Variants in TRPC4 observed in about 807,000 individuals in gnomAD.
The protein encoded by TRPC4 is transient receptor potential cation channel subfamily C member 4, also known as short transient receptor potential channel 4.
TRPC4 carries 49 observed loss-of-function variants against 99.4 expected under a neutral mutation model. The ratio of observed to expected loss-of-function variants is 0.49; its 90% confidence interval spans 0.39 to 0.63. TRPC4 has a LOEUF of 0.63. TRPC4 is among the 20% of genes least tolerant of loss of function. The pLI is 0.00. For synonymous variants in TRPC4, 454 were observed against 425.9 expected (o/e 1.07, Z -0.81); for missense variants, 898 against 1,152.9 (o/e 0.78, Z 3.20).
Position 37,663,611 on chromosome 13 carries a change from G to T in TRPC4, c.1493C>A (p.Ala498Glu). The change falls in exon 6 of 11, where the codon GCA (alanine) becomes GAA (glutamate). Residue 498 changes from alanine to glutamate, a missense_variant. Physicochemically the swap from Ala to Glu is moderately radical, Grantham distance 107. Transcript: ENST00000379705. ...SSLRLISLFTANSHLGPLQIS... is the reference protein window; with the variant it reads ...SSLRLISLFTENSHLGPLQIS... ...TTGCAGAGGTCCCAGGTGAGAATTT[G>T]CAGTAAACAGTGAGATCAGACGCAG... The T allele has an allele frequency of 1.2e-6, 2 of 1,614,176 alleles. No individual in the cohort carries two copies. Among genetic ancestry groups the T allele is most frequent in the Non-Finnish European group, 1.7e-6 (2 of 1,180,022 alleles).
At chr13:37,717,715 C>G (rs530120928) in intron 3 of TRPC4, among the ~76,000 whole-genome samples, 2 of 152,114 alleles carry the variant, frequency 1.3e-5, no homozygotes, top group Admixed American at 1.3e-4. Flanking sequence ...ATGTGTTGCT[C>G]TCAGTCTTCT....
intron 5 of TRPC4, among the ~76,000 whole-genome samples, chr13:37,664,994 A>G (rs989709153): frequency 1.3e-5 from 2 of 152,312 alleles, no homozygotes; most frequent in South Asian, 2.1e-4. Context: ...ATCTTGATAA[A>G]TGTTCTTGAA....
At chr13:37,849,942 T>C (rs1444902742) in intron 1 of TRPC4, among the ~76,000 whole-genome samples, 1 of 152,228 alleles carries the variant, frequency 6.6e-6, no homozygotes, top group Non-Finnish European at 1.5e-5. Flanking sequence ...ATTTGGATTA[T>C]ATGAAAACTA....
intron 1 of TRPC4, among the ~76,000 whole-genome samples, chr13:37,817,372 A>G (rs1290590705): frequency 1.3e-5 from 2 of 152,100 alleles, no homozygotes; most frequent in Admixed American, 6.6e-5. Context: ...AAGGAATCAC[A>G]GATGACACAA....
chr13:37,724,703 T>G (rs1954984947), intron 3 of TRPC4, among the ~76,000 whole-genome samples: 1 of 152,214 alleles, frequency 6.6e-6, no homozygotes, highest in Non-Finnish European at 1.5e-5. Flanking sequence ...TTGGTCTATT[T>G]GTTCCAAAAG....
Position 37,655,264 on chromosome 13 carries a change from A to C in TRPC4, c.1708T>G (p.Ser570Ala). 3.2e-6 allele frequency: 5 copies of C among 1,580,344 alleles called. No individual in the cohort carries two copies. Among genetic ancestry groups the C allele is most frequent in the Non-Finnish European group, 4.3e-6 (5 of 1,162,334 alleles). Residue 570 changes from serine (S) to alanine (A), a missense_variant, in exon 7 of 11, where the codon TCC (serine) becomes GCC (alanine). Physicochemically the swap from Ser to Ala is moderately conservative, Grantham distance 99. This residue lies in a region of TRPC4 where 274 missense variants were observed against 454.9 expected (regional missense o/e 0.60). Coordinates refer to ENST00000379705, the MANE Select transcript of TRPC4 (RefSeq NM_016179.4). ...AFSTLFETLQ[S>A]LFWSIFGLIN... Reference sequence around the variant, plus strand: ...AGCCCAAATATTGACCAAAACAGGGACTGCAGTGTCTCAAATAACCTGTAA... The same window carrying C: ...AGCCCAAATATTGACCAAAACAGGGCCTGCAGTGTCTCAAATAACCTGTAA...
At chr13:37,713,200 G>A (rs923239706) in intron 3 of TRPC4, among the ~76,000 whole-genome samples, 1 of 152,174 alleles carries the variant, frequency 6.6e-6, no homozygotes, top group African/African-American at 2.4e-5. Flanking sequence ...CTGGGTGAGG[G>A]AGAAGAGTTT....
intron 1 of TRPC4, among the ~76,000 whole-genome samples, chr13:37,814,809 T>A (rs1203046912): frequency 1.3e-5 from 2 of 151,790 alleles, no homozygotes; most frequent in Non-Finnish European, 3.0e-5. Context: ...AACTTACTTT[T>A]TAAAAGAAAT....
intron 1 of TRPC4, among the ~76,000 whole-genome samples, chr13:37,830,378 T>A (rs1452318751): frequency 8.5e-5 from 13 of 152,070 alleles, no homozygotes; most frequent in African/African-American, 3.1e-4. Flanking sequence ...AACATGTTGT[T>A]ATTATTTATT....
chr13:37,768,132 A>T (rs1184698779), intron 2 of TRPC4, among the ~76,000 whole-genome samples: 3 of 151,548 alleles, frequency 2.0e-5, no homozygotes, highest in African/African-American at 7.3e-5. Context: ...TAATAATGTG[A>T]ACTACCAATA....
chr13:37,787,506 G>T (rs2139370955), intron 1 of TRPC4, among the ~76,000 whole-genome samples: 1 of 152,054 alleles, frequency 6.6e-6, no homozygotes, highest in Non-Finnish European at 1.5e-5. Flanking sequence ...CTATCACTCT[G>T]AATTCCAGAT....
chr13:37,773,798 G>A (rs1168940963), intron 2 of TRPC4, among the ~76,000 whole-genome samples: 1 of 151,666 alleles, frequency 6.6e-6, no homozygotes, highest in Non-Finnish European at 1.5e-5. Flanking sequence ...GGTGACTAGG[G>A]TAAAATATTG....
chr13:37,798,933 CT>C (rs5802904), intron 1 of TRPC4, among the ~76,000 whole-genome samples: 117,247 of 126,880 alleles, frequency 0.92, 54,077 homozygotes, highest in Admixed American at 0.95. Context: ...GGGAGGTAAT[CT>C]TTTTTTTTTT....
intron 1 of TRPC4, among the ~76,000 whole-genome samples, chr13:37,839,784 C>T (rs899042312): frequency 2.6e-5 from 4 of 152,064 alleles, no homozygotes; most frequent in African/African-American, 9.7e-5. Flanking sequence ...ATCAACTCCC[C>T]TAGAAAAATT....
intron 2 of TRPC4, among the ~76,000 whole-genome samples, chr13:37,756,315 C>A (rs1445768715): frequency 6.6e-6 from 1 of 152,064 alleles, no homozygotes; most frequent in Non-Finnish European, 1.5e-5. Context: ...CTTATCTAAA[C>A]AAACTCGAAA....
chr13:37,637,395 T>C lies in TRPC4; in HGVS notation c.2442A>G (p.Arg814=). 4 of 1,613,676 alleles carry C rather than the reference T, an allele frequency of 2.5e-6. No individual in the cohort carries two copies. Among genetic ancestry groups the C allele is most frequent in the Non-Finnish European group, 3.4e-6 (4 of 1,179,842 alleles). ...GGGCAGAGCCATTGCTTATGTTATG[T>C]CTTTCAGAGGCAATTGCTGCTGATC... is the stretch of plus-strand genomic sequence containing the variant. The part of the protein sequence containing the change: ...HPRSAAIASE[R]HNISNGSALV... The change falls in exon 11 of 11, where the codon AGA becomes AGG. Residue 814 remains arginine (R), a synonymous_variant. Coordinates refer to ENST00000379705, the MANE Select transcript of TRPC4 (RefSeq NM_016179.4).
chr13:37,825,054 T>C (rs981454113), intron 1 of TRPC4, among the ~76,000 whole-genome samples: 2 of 151,396 alleles, frequency 1.3e-5, no homozygotes, highest in Non-Finnish European at 3.0e-5. Context: ...TCTAGTTTAT[T>C]TGCATAGAGG....
chr13:37,664,000 T>C (rs537912555), intron 5 of TRPC4, among the ~76,000 whole-genome samples: 2 of 152,306 alleles, frequency 1.3e-5, no homozygotes, highest in East Asian at 3.9e-4. Flanking sequence ...ATGTCCTAAA[T>C]GTAAATACAA....
rs1366295237 is a variant in TRPC4 at position 37,852,387 on chromosome 13, C to T, written c.-28+17208G>A. 4.6e-5 allele frequency among the ~76,000 whole-genome samples: 7 copies of T among 152,164 alleles called. No individual in the cohort carries two copies. The South Asian group carries it at 1.0e-3, about 23-fold the overall frequency. ...CTCTGGGCCAAAAGGAAATCCATTG[C>T]TTTTATGAAACAATCCAGTTCTGGC... On this transcript the variant is annotated intron_variant, in intron 1 of 10. Transcript: ENST00000379705.
Sources: gnomAD v4.1 joint callset for allele counts (sites outside exome capture counted in the v4.1 genomes callset) on GRCh38, gnomAD v4.1.1 for gene constraint, gnomAD v4.1.1 regional missense constraint, MANE v1.5 for transcripts, NCBI Gene and HGNC (gene_info 2026-07-23, HGNC 2026-07-21) for gene names.